Variants in CHCHD6 observed in about 807,000 individuals in gnomAD.
CHCHD6 encodes coiled-coil-helix-coiled-coil-helix domain containing 6.
A neutral mutation model predicts 32.3 loss-of-function variants in CHCHD6; 28 were observed. That is an observed-to-expected ratio of 0.87 (90% CI 0.64 to 1.19). The LOEUF (loss-of-function observed/expected upper bound fraction) is 1.19. CHCHD6 is among the 50% of genes most tolerant of loss of function. The pLI is 0.00. For synonymous variants in CHCHD6, 122 were observed against 117.5 expected (o/e 1.04, Z -0.25); for missense variants, 333 against 307.0 (o/e 1.08, Z -0.63).
chr3:126,905,032 G>T (rs1159278740), intron 5 of CHCHD6, among the ~76,000 whole-genome samples: 1 of 152,138 alleles, frequency 6.6e-6, no homozygotes, highest in African/African-American at 2.4e-5. Context: ...GGGAGCAGTG[G>T]ACTTGACTAC....
intron 4 of CHCHD6, among the ~76,000 whole-genome samples, chr3:126,827,525 C>T (rs149004665): frequency 0.012 from 1,814 of 152,278 alleles, 19 homozygotes; most frequent in Middle Eastern, 0.048. Flanking sequence ...AGGGTGCCTT[C>T]CAGGAACACA....
At chr3:126,742,764 G>A (rs1262233877) in intron 4 of CHCHD6, among the ~76,000 whole-genome samples, 1 of 152,212 alleles carries the variant, frequency 6.6e-6, no homozygotes, top group Non-Finnish European at 1.5e-5. Flanking sequence ...CCCATCAGGT[G>A]TAGCCCCATG....
At chr3:126,892,023 C>A (rs867023234) in intron 5 of CHCHD6, among the ~76,000 whole-genome samples, 20 of 152,270 alleles carry the variant, frequency 1.3e-4, no homozygotes, top group Middle Eastern at 6.8e-3. Flanking sequence ...ATCGCAGGGG[C>A]CTTGGCCCAG....
intron 4 of CHCHD6, among the ~76,000 whole-genome samples, chr3:126,756,149 G>T (rs1210226399): frequency 1.3e-5 from 2 of 152,064 alleles, no homozygotes; most frequent in African/African-American, 2.4e-5. Context: ...TCCCACTGTG[G>T]TCGTGATTCT....
At chr3:126,898,850 A>G (rs575284575) in intron 5 of CHCHD6, among the ~76,000 whole-genome samples, 1 of 152,296 alleles carries the variant, frequency 6.6e-6, no homozygotes, top group African/African-American at 2.4e-5. Context: ...TGAATTTGTT[A>G]AATGCCACTG....
intron 4 of CHCHD6, among the ~76,000 whole-genome samples, chr3:126,772,724 A>G (rs1349640154): frequency 6.6e-6 from 1 of 152,158 alleles, no homozygotes; most frequent in African/African-American, 2.4e-5. Context: ...TATTTAGCCC[A>G]ATTATGTTCA....
At chr3:126,856,352 A>G (rs1337581173) in intron 5 of CHCHD6, among the ~76,000 whole-genome samples, 3 of 152,144 alleles carry the variant, frequency 2.0e-5, no homozygotes, top group African/African-American at 4.8e-5. Context: ...TTCCTTGTAG[A>G]TAAGGAATGG....
At chr3:126,901,010 C>A (rs549050219) in intron 5 of CHCHD6, among the ~76,000 whole-genome samples, 4 of 152,122 alleles carry the variant, frequency 2.6e-5, no homozygotes, top group Admixed American at 2.0e-4. Flanking sequence ...TGCAAACACC[C>A]CCCCCAGGCC....
chr3:126,955,658 C>T (rs1263420839), intron 6 of CHCHD6, among the ~76,000 whole-genome samples: 1 of 152,162 alleles, frequency 6.6e-6, no homozygotes, highest in African/African-American at 2.4e-5. Context: ...AGGGACTGTT[C>T]GTTTTGTTCA....
At position 126,838,879 on chromosome 3, in the gene CHCHD6, T is replaced by C. The variant is rs115534116; in HGVS notation, c.412-13768T>C. On this transcript the variant is annotated intron_variant, in intron 4 of 7. Coordinates refer to ENST00000290913, the MANE Select transcript of CHCHD6 (RefSeq NM_032343.3). The stretch of plus-strand genomic sequence containing the variant: ...AACTTCTCAGCATCATTCATTTTAT[T>C]CCTTCTTTTTTCCTTTTTTTTTTTT... Among the ~76,000 whole-genome samples, 893 of 151,624 alleles carry C rather than the reference T, an allele frequency of 5.9e-3. 8 individuals carry two copies. Among genetic ancestry groups the C allele is most frequent in the African/African-American group, 0.02 (840 of 41,352 alleles).
chr3:126,724,703 G>A (rs899601610), intron 1 of CHCHD6, among the ~76,000 whole-genome samples: 2 of 152,148 alleles, frequency 1.3e-5, no homozygotes, highest in African/African-American at 2.4e-5. Flanking sequence ...TTTCAAGATC[G>A]GAGTCAGTTC....
chr3:126,726,972 G>C lies in CHCHD6; in HGVS notation c.88-106G>C, dbSNP rs144404880. ...ATTGCTTTGTTGGAGTTGGTCTTGAGGAAGCAGCGCATTCAGTAAATCTGG... is the reference window on the plus strand; with the variant it reads ...ATTGCTTTGTTGGAGTTGGTCTTGACGAAGCAGCGCATTCAGTAAATCTGG... On this transcript the variant is annotated intron_variant, in intron 1 of 7. Coordinates refer to ENST00000290913, the MANE Select transcript of CHCHD6 (RefSeq NM_032343.3). The C allele has an allele frequency of 8.9e-4, 679 of 763,090 alleles. 4 individuals carry two copies. The East Asian group carries it at 0.013, about 15-fold the overall frequency. 47.3% of individuals were successfully genotyped at this position (763,090 alleles called of 1,614,324 possible). A position where few individuals can be genotyped will look rare whatever the true frequency, so the allele number is the denominator to read the frequency against.
intron 1 of CHCHD6, among the ~76,000 whole-genome samples, chr3:126,715,208 C>G (rs1934953027): frequency 6.6e-6 from 1 of 152,130 alleles, no homozygotes; most frequent in South Asian, 2.1e-4. Flanking sequence ...CTCCATGTTA[C>G]TGCCTTTACT....
At chr3:126,848,493 G>T (rs186493451) in intron 4 of CHCHD6, among the ~76,000 whole-genome samples, 1 of 152,318 alleles carries the variant, frequency 6.6e-6, no homozygotes, top group Non-Finnish European at 1.5e-5. Context: ...ATCAATTGGA[G>T]ATTGTAATGC....
intron 3 of CHCHD6, among the ~76,000 whole-genome samples, chr3:126,731,354 T>G (rs1935795478): frequency 6.6e-6 from 1 of 151,944 alleles, no homozygotes; most frequent in Non-Finnish European, 1.5e-5. Flanking sequence ...GCCGGAGAAG[T>G]TTTAGCAAAG....
intron 4 of CHCHD6, among the ~76,000 whole-genome samples, chr3:126,810,323 G>A (rs1002598777): frequency 6.6e-6 from 1 of 152,184 alleles, no homozygotes; most frequent in Non-Finnish European, 1.5e-5. Context: ...GAGGAGGTAC[G>A]TGTGCAAGAG....
chr3:126,859,343 A>G (rs1941773642), intron 5 of CHCHD6, among the ~76,000 whole-genome samples: 1 of 152,134 alleles, frequency 6.6e-6, no homozygotes, highest in Non-Finnish European at 1.5e-5. Context: ...CTATGTGAGA[A>G]GGGAGGCCAC....
chr3:126,893,179 G>C (rs1277005677), intron 5 of CHCHD6, among the ~76,000 whole-genome samples: 1 of 152,024 alleles, frequency 6.6e-6, no homozygotes, highest in Non-Finnish European at 1.5e-5. Flanking sequence ...AGCTGGTCTC[G>C]AACTCCTGGC....
intron 6 of CHCHD6, among the ~76,000 whole-genome samples, chr3:126,927,076 C>A (rs1006976865): frequency 1.3e-5 from 2 of 152,062 alleles, no homozygotes; most frequent in South Asian, 2.1e-4. Context: ...TCAGGGTGAT[C>A]TCTGACATTC....
Sources: allele counts gnomAD v4.1 joint callset (sites outside exome capture counted in the v4.1 genomes callset), GRCh38; gene constraint gnomAD v4.1.1; transcripts MANE v1.5; gene names NCBI Gene and HGNC (gene_info 2026-07-23, HGNC 2026-07-21).